Variants in NGEF observed in about 807,000 individuals in gnomAD.
The protein encoded by NGEF is neuronal guanine nucleotide exchange factor, also known as ephexin-1.
NGEF carries 31 observed loss-of-function variants against 80.9 expected under a neutral mutation model. That is an observed-to-expected ratio of 0.38 (90% CI 0.29 to 0.52). NGEF has a LOEUF of 0.52. Ranked by LOEUF, NGEF falls within the 20% of genes least tolerant of loss-of-function variation. The pLI is 0.84. For missense variants in NGEF, 709 were observed against 926.2 expected, an observed-to-expected ratio of 0.77 and a Z score of 3.04; for synonymous variants, 371 against 370.2, an observed-to-expected ratio of 1.00 and a Z score of -0.03.
In NGEF at chr2:232,882,217, G is replaced by A; in HGVS notation, c.1806C>T (p.Thr602=). 1 of 1,613,810 alleles carries A rather than the reference G, an allele frequency of 6.2e-7. No individual in the cohort carries two copies. Residue 602 remains threonine (T), a synonymous_variant, in exon 13 of 15, where the codon ACC becomes ACT. Coordinates refer to ENST00000264051, the MANE Select transcript of NGEF (RefSeq NM_019850.3). ...WMTSLAPNRR[T]KFVSFTSRLL... ...GCCGGGATGTGAACGAAACAAACTTGGTCCTCCTGTTGGGGGCCAGTGAGG... is the reference window on the plus strand; with the variant it reads ...GCCGGGATGTGAACGAAACAAACTTAGTCCTCCTGTTGGGGGCCAGTGAGG...
chr2:232,946,023 T>C (rs1185889946), intron 3 of NGEF, among the ~76,000 whole-genome samples: 1 of 149,842 alleles, frequency 6.7e-6, no homozygotes, highest in East Asian at 2.0e-4. Context: ...ATATTCTATA[T>C]ATATCTATAT....
Position 232,881,133 on chromosome 2 carries a change from C to T in NGEF, c.1942+13G>A, listed in dbSNP as rs1373989604. The stretch of plus-strand genomic sequence containing the variant: ...TCCCCTGGGGGCCCCGAGGGGAGGT[C>T]CCTGGGCCTCACCGTCGTCAGTCTT... On this transcript the variant is annotated intron_variant, in intron 14 of 14. Transcript: ENST00000264051. 3 of 1,610,194 alleles carry T rather than the reference C, an allele frequency of 1.9e-6. No individual in the cohort carries two copies. Among genetic ancestry groups the T allele is most frequent in the Admixed American group, 3.3e-5 (2 of 59,988 alleles).
chr2:232,987,182 A>G (rs1233347190), intron 1 of NGEF, among the ~76,000 whole-genome samples: 3 of 152,032 alleles, frequency 2.0e-5, no homozygotes, highest in Non-Finnish European at 2.9e-5. Flanking sequence ...ACGCCTGGCT[A>G]ATTTTTTATA....
At chr2:232,983,342 G>T (rs939224351) in intron 1 of NGEF, among the ~76,000 whole-genome samples, 1 of 152,100 alleles carries the variant, frequency 6.6e-6, no homozygotes, top group African/African-American at 2.4e-5. Context: ...GAGGGTCCCC[G>T]AGCGGTGAGG....
intron 1 of NGEF, among the ~76,000 whole-genome samples, chr2:233,005,740 C>A (rs1167153786): frequency 6.6e-6 from 1 of 152,196 alleles, no homozygotes; most frequent in Non-Finnish European, 1.5e-5. Context: ...CTGCCAGCAG[C>A]ATGGATTTAG....
chr2:232,916,880 C>G (rs1369342397), intron 5 of NGEF, among the ~76,000 whole-genome samples: 1 of 152,236 alleles, frequency 6.6e-6, no homozygotes, highest in African/African-American at 2.4e-5. Context: ...TTCGCACACA[C>G]AAACTCTCCT....
chr2:232,891,608 ATTTC>A lies in NGEF; in HGVS notation c.1143-125_1143-122del, dbSNP rs551823161. The A allele has an allele frequency of 3.7e-3, 4,194 of 1,145,602 alleles. 12 individuals are homozygous for A. Among genetic ancestry groups the A allele is most frequent in the Non-Finnish European group, 4.5e-3 (3,711 of 822,534 alleles). The allele number at this position is 1,145,602 out of a possible 1,614,324, so 71.0% of individuals were successfully genotyped here. ...ACCCACGGGCTCAGAAAACATGTTG[ATTTC>A]TTTCTTTGTTTTTTTTCAAAAGGAA... On this transcript the variant is annotated intron_variant, in intron 7 of 14. Transcript: ENST00000264051.
At chr2:232,955,595 C>T (rs545637314) in intron 3 of NGEF, among the ~76,000 whole-genome samples, 9 of 152,248 alleles carry the variant, frequency 5.9e-5, no homozygotes, top group African/African-American at 1.2e-4. Context: ...GCGATCTCAC[C>T]GCAGCCTCCA....
intron 3 of NGEF, chr2:232,927,921 C>T: frequency 7.5e-7 from 1 of 1,331,410 alleles, no homozygotes; most frequent in Non-Finnish European, 9.6e-7. Context: ...GCCGCCGAGT[C>T]GCGCGCGTCG....
At chr2:232,884,183 A>G (rs755254107) in intron 10 of NGEF, 39 bp from the exon 11 acceptor site, 1 of 1,530,096 alleles carries the variant, frequency 6.5e-7, no homozygotes, top group African/African-American at 1.4e-5. Flanking sequence ...CTGTGCCCAC[A>G]ATGTCCCTCC....
intron 9 of NGEF, 118 bp from the exon 10 acceptor site, chr2:232,885,487 C>T (rs1691648930): frequency 2.5e-6 from 2 of 795,246 alleles, no homozygotes; most frequent in Non-Finnish European, 4.2e-6. Context: ...ACTGTGCCCA[C>T]AGCTGAGGCT....
intron 1 of NGEF, among the ~76,000 whole-genome samples, chr2:233,009,522 G>A (rs989888119): frequency 6.6e-6 from 1 of 152,112 alleles, no homozygotes; most frequent in Non-Finnish European, 1.5e-5. Context: ...CTTGGGGCCA[G>A]GTGCAGTGGC....
At chr2:232,993,120 A>AATATATATTTATTTATATATTTAAAT (rs1559238220) in intron 1 of NGEF, among the ~76,000 whole-genome samples, 2 of 123,064 alleles carry the variant, frequency 1.6e-5, no homozygotes, top group Non-Finnish European at 3.2e-5. Flanking sequence ...TATATATATA[A>AATATATATTTATTTATATATTTAAAT]ATAAATATAT....
At chr2:232,994,869 T>C (rs1009106346) in intron 1 of NGEF, among the ~76,000 whole-genome samples, 1 of 151,792 alleles carries the variant, frequency 6.6e-6, no homozygotes, top group East Asian at 1.9e-4. Context: ...CATACACATA[T>C]ACATATATGG....
At chr2:232,963,432 C>A (rs1294936873) in intron 3 of NGEF, among the ~76,000 whole-genome samples, 1 of 151,876 alleles carries the variant, frequency 6.6e-6, no homozygotes, top group Non-Finnish European at 1.5e-5. Flanking sequence ...TCAAAGTGGT[C>A]TACTATTTCT....
At chr2:232,918,628 GTTT>G (rs752153408) in intron 5 of NGEF, among the ~76,000 whole-genome samples, 14 of 108,022 alleles carry the variant, frequency 1.3e-4, no homozygotes, top group South Asian at 3.4e-4. Flanking sequence ...TTATTTCTAA[GTTT>G]TTTTTTTTTT....
At chr2:232,882,470 T>C (rs1413091809) in intron 12 of NGEF, among the ~76,000 whole-genome samples, 1 of 152,208 alleles carries the variant, frequency 6.6e-6, no homozygotes, top group Non-Finnish European at 1.5e-5. Flanking sequence ...CGGAGGGGCA[T>C]GGGGGAGCCC....
intron 1 of NGEF, among the ~76,000 whole-genome samples, chr2:232,981,045 G>T (rs4973591): frequency 6.6e-6 from 1 of 151,062 alleles, no homozygotes; most frequent in East Asian, 2.0e-4. Context: ...TCTCGCTATC[G>T]TCTTCTGCCT....
intron 5 of NGEF, among the ~76,000 whole-genome samples, chr2:232,907,100 C>G (rs1167184576): frequency 6.8e-6 from 1 of 147,644 alleles, no homozygotes; most frequent in East Asian, 2.0e-4. Context: ...CTTCCCTCCA[C>G]TATTGTCCTA....
Sources: gnomAD v4.1 joint callset for allele counts (sites outside exome capture counted in the v4.1 genomes callset) on GRCh38, gnomAD v4.1.1 for gene constraint, MANE v1.5 for transcripts, NCBI Gene and HGNC (gene_info 2026-07-23, HGNC 2026-07-21) for gene names.